Variants in AHCYL2 observed in about 807,000 individuals in gnomAD.
AHCYL2 encodes the protein adenosylhomocysteinase like 2.
AHCYL2 carries 28 observed loss-of-function variants against 81.4 expected under a neutral mutation model. That is an observed-to-expected ratio of 0.34 (90% CI 0.25 to 0.47). The LOEUF is 0.47. AHCYL2 is among the 20% of genes least tolerant of loss of function. AHCYL2 has a pLI of 1.00. For missense variants in AHCYL2, 551 were observed against 785.1 expected (o/e 0.70, Z 3.56); for synonymous variants, 272 against 290.2 (o/e 0.94, Z 0.64).
Position 129,369,550 on chromosome 7 carries a change from GT to G in AHCYL2, c.364-10068del, listed in dbSNP as rs35051098. 7.6e-3 allele frequency among the ~76,000 whole-genome samples: 1,008 copies of G among 132,522 alleles called. 6 individuals are homozygous for G. The highest frequency in any genetic ancestry group is 0.024 in the East Asian group (113 of 4,652). The allele number at this position is 132,522 out of a possible 152,430, so 86.9% of individuals were successfully genotyped here. A position where few individuals can be genotyped will look rare whatever the true frequency, so the allele number is the denominator to read the frequency against. On this transcript the variant is annotated intron_variant, in intron 1 of 16. Coordinates refer to ENST00000325006, the MANE Select transcript of AHCYL2 (RefSeq NM_015328.4). ...TGTCGTTTCAGAACATTGTGTTCAG[GT>G]TTTTTTTTTTTTTTTTTTTGAAATG...
rs769822317 is a variant in AHCYL2, at chr7:129,413,597, A to C, written c.1370A>C (p.Asn457Thr). The C allele has an allele frequency of 1.9e-6, 3 of 1,613,538 alleles. No individual in the cohort carries two copies. ...AGACCTCTCTTCTGTTTTTAAGGTA[A>C]CAAGAATGTGGTAACCAGAGAGCAC... ...QVDIVITCTG[N>T]KNVVTREHLD... The change falls in exon 12 of 17, where the codon AAC (asparagine) becomes ACC (threonine). Residue 457 changes from asparagine (N) to threonine (T), a missense_variant. Physicochemically the swap from Asn to Thr is moderately conservative, Grantham distance 65. Transcript: ENST00000325006.
chr7:129,400,120 G>A (rs926905360), intron 5 of AHCYL2, among the ~76,000 whole-genome samples, 170 bp from the exon 6 acceptor site: 1 of 152,176 alleles, frequency 6.6e-6, no homozygotes, highest in South Asian at 2.1e-4. Context: ...AAAGACAAAG[G>A]AATGGATAAA....
intron 1 of AHCYL2, among the ~76,000 whole-genome samples, chr7:129,360,943 G>A (rs565791734): frequency 6.6e-6 from 1 of 152,340 alleles, no homozygotes; most frequent in East Asian, 1.9e-4. Flanking sequence ...ATGAATTGAA[G>A]TAGGCTGTTA....
intron 13 of AHCYL2, chr7:129,424,644 T>C: frequency 1.7e-6 from 1 of 581,968 alleles, no homozygotes; most frequent in Non-Finnish European, 3.1e-6. Flanking sequence ...TATTCCTTTT[T>C]AAATAATTCC....
intron 1 of AHCYL2, among the ~76,000 whole-genome samples, chr7:129,342,578 G>A (rs1473255634): frequency 6.6e-6 from 1 of 152,128 alleles, no homozygotes; most frequent in Non-Finnish European, 1.5e-5. Flanking sequence ...GACTTAACAA[G>A]GGTTAATTAT....
rs1258059091 is a variant in AHCYL2, at chr7:129,429,231, T to C, written c.*2186T>C. The C allele has an allele frequency of 6.6e-6, 1 of 152,260 alleles. No homozygotes were observed. The highest frequency in any genetic ancestry group is 2.4e-5 in the African/African-American group (1 of 41,466). The allele number at this position is 152,260 out of a possible 1,614,324, so 9.4% of individuals were successfully genotyped here. A position where few individuals can be genotyped will look rare whatever the true frequency, so the allele number is the denominator to read the frequency against. On this transcript the variant is annotated 3_prime_UTR_variant, in exon 17 of 17. Transcript: ENST00000325006. ...CTGCCCATGATGAGTTATTTGCCTC[T>C]GAGTTTCAGATGACCTCTCTGTAGG...
At chr7:129,418,432 T>A (rs2150961196) in intron 12 of AHCYL2, among the ~76,000 whole-genome samples, 2 of 152,280 alleles carry the variant, frequency 1.3e-5, no homozygotes, top group Admixed American at 1.3e-4. Flanking sequence ...CCTGAGTAGC[T>A]GGGACTACAG....
chr7:129,309,808 T>A (rs533664220), intron 1 of AHCYL2, among the ~76,000 whole-genome samples: 13 of 152,160 alleles, frequency 8.5e-5, no homozygotes, highest in Middle Eastern at 6.8e-3. Context: ...TTTTTTTTTT[T>A]AATTTTACGT....
At chr7:129,290,360 G>C (rs998421783) in intron 1 of AHCYL2, among the ~76,000 whole-genome samples, 1 of 151,938 alleles carries the variant, frequency 6.6e-6, no homozygotes. Context: ...AATTAGCCGG[G>C]AGTGGTGGTG....
intron 2 of AHCYL2, chr7:129,388,274 T>G (rs1471301215): frequency 2.0e-5 from 3 of 152,138 alleles, no homozygotes; most frequent in Non-Finnish European, 4.4e-5. Context: ...CTATGAAGAC[T>G]AAAAAGACCC....
chr7:129,413,825 A>G (rs943807447), intron 12 of AHCYL2, 137 bp downstream of exon 12: 3 of 658,164 alleles, frequency 4.6e-6, no homozygotes, highest in East Asian at 2.7e-5. Flanking sequence ...TTCACTTACT[A>G]GCCCTATAGC....
At chr7:129,286,851 CTGA>C (rs1420733231) in intron 1 of AHCYL2, among the ~76,000 whole-genome samples, 1 of 152,014 alleles carries the variant, frequency 6.6e-6, no homozygotes, top group Non-Finnish European at 1.5e-5. Flanking sequence ...GGAATTAAAC[CTGA>C]TAATTTAAAA....
chr7:129,334,910 G>C (rs765377928), intron 1 of AHCYL2, among the ~76,000 whole-genome samples: 2 of 152,284 alleles, frequency 1.3e-5, no homozygotes, highest in Non-Finnish European at 2.9e-5. Context: ...ACTACATTGA[G>C]AATCAAGAAG....
chr7:129,330,691 G>A (rs989824791), intron 1 of AHCYL2, among the ~76,000 whole-genome samples: 1 of 151,568 alleles, frequency 6.6e-6, no homozygotes, highest in African/African-American at 2.4e-5. Flanking sequence ...TCCATCTCCC[G>A]ACCTCGTGAT....
At chr7:129,363,146 G>A (rs1414491757) in intron 1 of AHCYL2, among the ~76,000 whole-genome samples, 1 of 152,146 alleles carries the variant, frequency 6.6e-6, no homozygotes, top group East Asian at 1.9e-4. Context: ...ACAGAAAGCC[G>A]CAGGAGCCGA....
intron 1 of AHCYL2, among the ~76,000 whole-genome samples, chr7:129,309,594 T>A (rs1037111618): frequency 7.9e-5 from 12 of 152,220 alleles, no homozygotes; most frequent in Non-Finnish European, 1.6e-4. Flanking sequence ...TTCATCATTT[T>A]AGTTTGTCAC....
chr7:129,352,857 TAATG>T (rs1221617520), intron 1 of AHCYL2, among the ~76,000 whole-genome samples: 5 of 151,568 alleles, frequency 3.3e-5, no homozygotes, highest in Non-Finnish European at 7.4e-5. Context: ...AATCCTTTAA[TAATG>T]CCCATTATAC....
At chr7:129,378,048 TCACGCCTGTAATCCC>T (rs527632929) in intron 1 of AHCYL2, among the ~76,000 whole-genome samples, 133 of 152,312 alleles carry the variant, frequency 8.7e-4, no homozygotes, top group Admixed American at 4.1e-3. Flanking sequence ...GCGTGGTGGC[TCACGCCTGTAATCCC>T]AGCACTTTGG....
intron 4 of AHCYL2, among the ~76,000 whole-genome samples, chr7:129,394,440 C>CTTTTTT (rs35797517): frequency 5.9e-4 from 27 of 45,744 alleles, no homozygotes; most frequent in East Asian, 1.7e-3. Flanking sequence ...TTGTATTTGA[C>CTTTTTT]TTTTTTTTTT....
Sources: allele counts gnomAD v4.1 joint callset (sites outside exome capture counted in the v4.1 genomes callset), GRCh38; gene constraint gnomAD v4.1.1; transcripts MANE v1.5; gene names NCBI Gene and HGNC (gene_info 2026-07-23, HGNC 2026-07-21).